Variants in DAB1 observed in about 807,000 individuals in gnomAD.
DAB1 encodes the protein disabled homolog 1.
DAB1 carries 15 observed loss-of-function variants against 64.6 expected under a neutral mutation model. The ratio of observed to expected loss-of-function variants is 0.23; its 90% CI spans 0.16 to 0.36. DAB1 has a LOEUF of 0.36. Ranked by LOEUF, DAB1 falls within the 10% of genes least tolerant of loss-of-function variation. The pLI is 1.00. For missense variants in DAB1, 596 were observed against 706.7 expected (o/e 0.84, Z 1.78); for synonymous variants, 235 against 251.9 (o/e 0.93, Z 0.64).
chr1:58,134,468 C>T (rs966179267), intron 5 of DAB1, among the ~76,000 whole-genome samples: 18 of 151,834 alleles, frequency 1.2e-4, no homozygotes, highest in African/African-American at 4.1e-4. Flanking sequence ...TGTATTAGTC[C>T]ATTCTCACAC....
intron 2 of DAB1, among the ~76,000 whole-genome samples, chr1:57,239,178 G>T (rs780733131): frequency 1.8e-4 from 27 of 152,032 alleles, no homozygotes; most frequent in Non-Finnish European, 2.9e-4. Context: ...TACCTATCAG[G>T]CCCCTTGTTG....
intron 5 of DAB1, among the ~76,000 whole-genome samples, chr1:58,103,413 G>A (rs1422564168): frequency 4.6e-5 from 7 of 152,084 alleles, no homozygotes; most frequent in Admixed American, 3.9e-4. Flanking sequence ...CTTTGTCTTC[G>A]TAGCACGAAG....
At chr1:57,890,456 C>CTTTTTTTTTTTTTTTT (rs71246207) in intron 5 of DAB1, among the ~76,000 whole-genome samples, 5 of 136,616 alleles carry the variant, frequency 3.7e-5, no homozygotes, top group African/African-American at 8.2e-5. Flanking sequence ...CTTTTCTTTT[C>CTTTTTTTTTTTTTTTT]TTTTTTTTTT....
intron 1 of DAB1, among the ~76,000 whole-genome samples, chr1:57,379,176 C>G (rs1361159224): frequency 1.3e-5 from 2 of 152,088 alleles, no homozygotes; most frequent in Non-Finnish European, 2.9e-5. Flanking sequence ...AACCCCCTCC[C>G]CCACCATCTT....
At chr1:58,324,717 T>TA (rs1188837339) in intron 4 of DAB1, among the ~76,000 whole-genome samples, 1 of 152,156 alleles carries the variant, frequency 6.6e-6, no homozygotes, top group African/African-American at 2.4e-5. Flanking sequence ...TGAAGCAACT[T>TA]AGAGTCCCTT....
intron 7 of DAB1, among the ~76,000 whole-genome samples, chr1:57,579,727 G>A (rs533167785): frequency 9.9e-5 from 15 of 152,258 alleles, no homozygotes; most frequent in South Asian, 2.1e-4. Flanking sequence ...GGTGTATAAC[G>A]CAGCAAGCTT....
chr1:57,236,136 C>G (rs764849527), intron 2 of DAB1, among the ~76,000 whole-genome samples: 1 of 152,192 alleles, frequency 6.6e-6, no homozygotes, highest in Non-Finnish European at 1.5e-5. Context: ...AAGGCTTTTA[C>G]GGAGTTCATT....
chr1:57,354,735 C>A (rs1678921475), intron 1 of DAB1, among the ~76,000 whole-genome samples: 1 of 152,114 alleles, frequency 6.6e-6, no homozygotes, highest in Non-Finnish European at 1.5e-5. Flanking sequence ...AGCAATCCAT[C>A]ATGCTTTGTC....
intron 4 of DAB1, among the ~76,000 whole-genome samples, chr1:57,090,794 T>TA (rs1174412767): frequency 6.6e-6 from 1 of 152,116 alleles, no homozygotes; most frequent in African/African-American, 2.4e-5. Flanking sequence ...CATGGCCAGG[T>TA]ACCAATCTGT....
At chr1:58,169,515 T>C (rs1656046271) in intron 4 of DAB1, among the ~76,000 whole-genome samples, 1 of 152,146 alleles carries the variant, frequency 6.6e-6, no homozygotes, top group South Asian at 2.1e-4. Context: ...ATTCTCTCTC[T>C]GATGGGGAAA....
At chr1:57,694,052 T>G (rs1646795612) in intron 6 of DAB1, among the ~76,000 whole-genome samples, 2 of 152,282 alleles carry the variant, frequency 1.3e-5, no homozygotes, top group African/African-American at 4.8e-5. Flanking sequence ...TCCTGGAGAG[T>G]TTCCCCAGTG....
At chr1:57,269,664 A>G (rs941477219) in intron 2 of DAB1, among the ~76,000 whole-genome samples, 2 of 152,002 alleles carry the variant, frequency 1.3e-5, no homozygotes, top group African/African-American at 4.8e-5. Context: ...ACTCCCTCCA[A>G]CCTCTCACCC....
At chr1:58,276,618 A>G (rs1051801261) in intron 4 of DAB1, among the ~76,000 whole-genome samples, 1 of 152,182 alleles carries the variant, frequency 6.6e-6, no homozygotes, top group Non-Finnish European at 1.5e-5. Context: ...GGAGAGAGGC[A>G]AGGTTTGCCT....
intron 9 of DAB1, chr1:57,033,445 A>G (rs1210979689): frequency 1.9e-6 from 3 of 1,612,952 alleles, no homozygotes; most frequent in South Asian, 1.1e-5. Context: ...TGTAACCACA[A>G]GGCATGACTG....
chr1:58,150,107 G>T (rs1269095662), intron 5 of DAB1, among the ~76,000 whole-genome samples: 3 of 152,144 alleles, frequency 2.0e-5, no homozygotes, highest in African/African-American at 7.2e-5. Context: ...CAAAATAAGT[G>T]TTAGTATTCT....
intron 9 of DAB1, among the ~76,000 whole-genome samples, chr1:57,048,416 C>G (rs1474250458): frequency 6.6e-6 from 1 of 152,204 alleles, no homozygotes; most frequent in Non-Finnish European, 1.5e-5. Flanking sequence ...AGTATAGGCT[C>G]CAACTAACTT....
chr1:58,474,012 T>C (rs1645392956), intron 3 of DAB1: 7 of 1,124,178 alleles, frequency 6.2e-6, no homozygotes, highest in South Asian at 1.3e-5. Flanking sequence ...GGACTTTGAT[T>C]TCCGAGTCAA....
At chr1:58,073,388 C>G (rs748473234) in intron 5 of DAB1, among the ~76,000 whole-genome samples, 6 of 152,172 alleles carry the variant, frequency 3.9e-5, no homozygotes, top group Non-Finnish European at 8.8e-5. Flanking sequence ...TGGATGCCCT[C>G]TCCTCTTCTC....
chr1:57,998,571 C>A (rs1646462447), intron 5 of DAB1, among the ~76,000 whole-genome samples: 1 of 152,054 alleles, frequency 6.6e-6, no homozygotes, highest in African/African-American at 2.4e-5. Context: ...ACCATGTTGG[C>A]CAGGCTGGTC....
Sources: gnomAD v4.1 joint callset for allele counts (sites outside exome capture counted in the v4.1 genomes callset) on GRCh38, gnomAD v4.1.1 for gene constraint, MANE v1.5 for transcripts, NCBI Gene and HGNC (gene_info 2026-07-23, HGNC 2026-07-21) for gene names.